Variants in SDK1 observed in about 807,000 individuals in gnomAD.
SDK1 encodes protein sidekick-1.
SDK1 carries 157 observed loss-of-function variants against 245.5 expected under a neutral mutation model. That is an observed-to-expected ratio of 0.64 (90% CI 0.56 to 0.73). SDK1 has a LOEUF of 0.73. SDK1 is among the 30% of genes least tolerant of loss of function. The pLI is 0.00. For missense variants in SDK1, 3,583 were observed against 3,002.3 expected, an observed-to-expected ratio of 1.19 and a Z score of -4.52; for synonymous variants, 1,647 against 1,278.5, an observed-to-expected ratio of 1.29 and a Z score of -6.15.
chr7:3,439,494 T>A (rs1325130896), intron 1 of SDK1, among the ~76,000 whole-genome samples: 1 of 152,166 alleles, frequency 6.6e-6, no homozygotes, highest in African/African-American at 2.4e-5. Context: ...CAGCAATCAG[T>A]TAATGTGCCA....
chr7:3,770,129 C>T (rs1273414702), intron 4 of SDK1, among the ~76,000 whole-genome samples: 1 of 151,946 alleles, frequency 6.6e-6, no homozygotes, highest in South Asian at 2.1e-4. Context: ...GGGATCCTTG[C>T]GGTGATGGAA....
chr7:3,867,519 C>T (rs1780850304), intron 5 of SDK1, among the ~76,000 whole-genome samples: 1 of 152,106 alleles, frequency 6.6e-6, no homozygotes, highest in Non-Finnish European at 1.5e-5. Flanking sequence ...CAAGGAGGGG[C>T]CAGTCACTTC....
At chr7:3,921,682 C>A (rs762826965) in intron 5 of SDK1, among the ~76,000 whole-genome samples, 1 of 152,074 alleles carries the variant, frequency 6.6e-6, no homozygotes, top group African/African-American at 2.4e-5. Context: ...TAAAACTCCC[C>A]GGGCCAGGCA....
At chr7:4,078,032 T>A (rs932309238) in intron 21 of SDK1, among the ~76,000 whole-genome samples, 5 of 152,206 alleles carry the variant, frequency 3.3e-5, no homozygotes, top group African/African-American at 4.8e-5. Context: ...ATGGGTTAGC[T>A]GACCTCCGGA....
Position 3,319,878 on chromosome 7 carries a change from C to CTTTTT in SDK1, c.298+18007_298+18011dup, listed in dbSNP as rs57770805. On this transcript the variant is annotated intron_variant, in intron 1 of 44. Transcript: ENST00000404826. ...TGCCTATATCTAACCCATTCTTAGT[C>CTTTTT]TTTTTTTTTTTTTTTTTGCATTTGC... 1.3e-3 allele frequency among the ~76,000 whole-genome samples: 117 copies of CTTTTT among 88,128 alleles called. 14 individuals carry two copies. Among genetic ancestry groups the CTTTTT allele is most frequent in the African/African-American group, 4.3e-3 (93 of 21,740 alleles). 57.8% of individuals were successfully genotyped at this position (88,128 alleles called of 152,430 possible). A position where few individuals can be genotyped will look rare whatever the true frequency, so the allele number is the denominator to read the frequency against.
chr7:4,196,209 G>A (rs1783567683), intron 35 of SDK1, among the ~76,000 whole-genome samples: 1 of 152,130 alleles, frequency 6.6e-6, no homozygotes. Flanking sequence ...ACTGCAACTG[G>A]TGGATTCCAG....
chr7:3,396,992 CTTG>C (rs1167988000), intron 1 of SDK1, among the ~76,000 whole-genome samples: 4 of 151,500 alleles, frequency 2.6e-5, no homozygotes, highest in African/African-American at 9.7e-5. Flanking sequence ...ATGCATCATT[CTTG>C]TTGTTTCTTT....
intron 1 of SDK1, among the ~76,000 whole-genome samples, chr7:3,612,004 AC>A: frequency 6.6e-6 from 1 of 152,260 alleles, no homozygotes. Context: ...GGAATGGAAA[AC>A]CAAACATTGT....
intron 1 of SDK1, among the ~76,000 whole-genome samples, chr7:3,507,276 G>C (rs1408491457): frequency 6.6e-6 from 1 of 152,162 alleles, no homozygotes; most frequent in African/African-American, 2.4e-5. Context: ...GTGCAGCGTA[G>C]TATTCAGACA....
intron 5 of SDK1, among the ~76,000 whole-genome samples, chr7:3,919,510 T>G (rs6950772): frequency 0.022 from 3,399 of 152,268 alleles, 124 homozygotes; most frequent in African/African-American, 0.077. Flanking sequence ...ACTCGTACCC[T>G]CCCTGGTGAA....
intron 14 of SDK1, among the ~76,000 whole-genome samples, chr7:3,999,139 C>T (rs1431903018): frequency 6.6e-6 from 1 of 152,164 alleles, no homozygotes; most frequent in Non-Finnish European, 1.5e-5. Context: ...CACACACACA[C>T]ACGCACACAC....
At chr7:3,854,211 A>G (rs779921448) in intron 5 of SDK1, among the ~76,000 whole-genome samples, 1 of 148,084 alleles carries the variant, frequency 6.8e-6, no homozygotes, top group Non-Finnish European at 1.5e-5. Context: ...GAGGAACCAT[A>G]GAGGTTTTGA....
chr7:3,973,447 G>A (rs1447132216), intron 12 of SDK1, among the ~76,000 whole-genome samples: 2 of 152,054 alleles, frequency 1.3e-5, no homozygotes, highest in Admixed American at 6.5e-5. Flanking sequence ...GCTCTCAATT[G>A]ATTGTGTATT....
intron 1 of SDK1, among the ~76,000 whole-genome samples, chr7:3,364,655 A>G (rs994162737): frequency 6.6e-6 from 1 of 152,124 alleles, no homozygotes; most frequent in Admixed American, 6.5e-5. Flanking sequence ...CCCAGCTGAT[A>G]ATATATTGTC....
At chr7:3,588,100 C>T (rs1024634350) in intron 1 of SDK1, among the ~76,000 whole-genome samples, 5 of 152,158 alleles carry the variant, frequency 3.3e-5, no homozygotes, top group Admixed American at 3.3e-4. Flanking sequence ...TCTACGAGCC[C>T]TGTATTCTGC....
At chr7:3,322,599 A>G (rs1266108699) in intron 1 of SDK1, among the ~76,000 whole-genome samples, 2 of 152,230 alleles carry the variant, frequency 1.3e-5, no homozygotes, top group Non-Finnish European at 2.9e-5. Context: ...AACAATGTAG[A>G]AGAATTCCAG....
intron 4 of SDK1, among the ~76,000 whole-genome samples, chr7:3,718,115 T>G (rs1172159038): frequency 6.6e-6 from 1 of 152,134 alleles, no homozygotes; most frequent in Non-Finnish European, 1.5e-5. Flanking sequence ...GGCTTCATAT[T>G]TGAAAATCAA....
intron 4 of SDK1, among the ~76,000 whole-genome samples, chr7:3,729,810 T>G (rs117747990): frequency 0.015 from 2,241 of 152,186 alleles, 23 homozygotes; most frequent in Non-Finnish European, 0.024. Context: ...TTTTGAGCTC[T>G]TATTATTTAA....
chr7:3,967,867 G>T (rs1040953257), intron 10 of SDK1, among the ~76,000 whole-genome samples: 2 of 152,222 alleles, frequency 1.3e-5, no homozygotes, highest in Non-Finnish European at 2.9e-5. Context: ...TGCAGCCCAG[G>T]GCTTGGGGAC....
Sources: allele counts gnomAD v4.1 joint callset (sites outside exome capture counted in the v4.1 genomes callset), GRCh38; gene constraint gnomAD v4.1.1; transcripts MANE v1.5; gene names NCBI Gene and HGNC (gene_info 2026-07-23, HGNC 2026-07-21).